GREM2: variants seen among roughly 807,000 people sequenced by gnomAD.
The protein encoded by GREM2 is gremlin-2.
A neutral mutation model predicts 14.2 loss-of-function variants in GREM2; 11 were observed. The ratio of observed to expected loss-of-function variants is 0.78; its 90% CI spans 0.49 to 1.28. The LOEUF (loss-of-function observed/expected upper bound fraction) is 1.28, where lower values mean the gene tolerates loss of function less well. Among genes scored for constraint, GREM2 ranks in the 50% most tolerant of loss-of-function variants. GREM2 has a pLI of 0.00. For missense variants in GREM2, 210 were observed against 218.5 expected (o/e 0.96, Z 0.24); for synonymous variants, 98 against 97.6 (o/e 1.00, Z -0.02).
At chr1:240,503,421 C>T (rs1439548879) in intron 1 of GREM2, among the ~76,000 whole-genome samples, 1 of 152,164 alleles carries the variant, frequency 6.6e-6, no homozygotes, top group East Asian at 1.9e-4. Flanking sequence ...CTCTCAGATC[C>T]ATCTTCTCAG....
chr1:240,526,579 C>T (rs1678226815), intron 1 of GREM2, among the ~76,000 whole-genome samples: 1 of 152,170 alleles, frequency 6.6e-6, no homozygotes, highest in Non-Finnish European at 1.5e-5. Flanking sequence ...ACTTGCCTCT[C>T]TCCCAAGAAG....
chr1:240,517,801 T>A (rs1385451209), intron 1 of GREM2, among the ~76,000 whole-genome samples: 2 of 152,190 alleles, frequency 1.3e-5, no homozygotes, highest in Non-Finnish European at 2.9e-5. Flanking sequence ...TCCAGAACTC[T>A]CCTGGTCATC....
At chr1:240,602,827 A>T (rs533042547) in intron 1 of GREM2, among the ~76,000 whole-genome samples, 1 of 151,318 alleles carries the variant, frequency 6.6e-6, no homozygotes, top group East Asian at 1.9e-4. Flanking sequence ...AAAATCCAGC[A>T]CTTTGGGAGG....
chr1:240,521,281 C>T (rs1344933244), intron 1 of GREM2, among the ~76,000 whole-genome samples: 2 of 152,126 alleles, frequency 1.3e-5, no homozygotes, highest in Admixed American at 6.5e-5. Flanking sequence ...AAAAATGAAA[C>T]GGGAGGGGTG....
At chr1:240,581,617 AT>A (rs1679486774) in intron 1 of GREM2, among the ~76,000 whole-genome samples, 1 of 152,168 alleles carries the variant, frequency 6.6e-6, no homozygotes, top group South Asian at 2.1e-4. Flanking sequence ...AAAAGTAATT[AT>A]TTTTCTGAAT....
At chr1:240,550,841 C>A (rs954646768) in intron 1 of GREM2, among the ~76,000 whole-genome samples, 6 of 152,136 alleles carry the variant, frequency 3.9e-5, no homozygotes, top group Non-Finnish European at 5.9e-5. Flanking sequence ...GCTGACATAT[C>A]CAATCAAATG....
intron 1 of GREM2, among the ~76,000 whole-genome samples, chr1:240,515,693 T>G (rs2103296646): frequency 6.6e-6 from 1 of 152,200 alleles, no homozygotes; most frequent in East Asian, 1.9e-4. Flanking sequence ...GGACTAACAA[T>G]TTGGTTTCGT....
intron 1 of GREM2, among the ~76,000 whole-genome samples, chr1:240,566,160 A>C (rs908336533): frequency 1.3e-5 from 2 of 152,194 alleles, no homozygotes; most frequent in Non-Finnish European, 2.9e-5. Context: ...AAAGTTTTTC[A>C]AAAGAAAATG....
At chr1:240,605,549 TA>T (rs1558181371) in intron 1 of GREM2, among the ~76,000 whole-genome samples, 1 of 152,080 alleles carries the variant, frequency 6.6e-6, no homozygotes, top group East Asian at 1.9e-4. Flanking sequence ...AGAGATTTTT[TA>T]AAAATCTAAC....
chr1:240,496,953 A>G (rs1337755327), intron 1 of GREM2, among the ~76,000 whole-genome samples: 2 of 152,070 alleles, frequency 1.3e-5, no homozygotes, highest in African/African-American at 4.8e-5. Flanking sequence ...CCCGGGAGGC[A>G]GAGGTTGCAG....
intron 1 of GREM2, among the ~76,000 whole-genome samples, chr1:240,515,265 C>T (rs963491676): frequency 2.6e-5 from 4 of 152,172 alleles, no homozygotes; most frequent in African/African-American, 9.7e-5. Flanking sequence ...TCCTGTAAAT[C>T]CTCAATACAT....
At chr1:240,611,199 A>G (rs1680126707) in intron 1 of GREM2, among the ~76,000 whole-genome samples, 1 of 152,200 alleles carries the variant, frequency 6.6e-6, no homozygotes, top group African/African-American at 2.4e-5. Context: ...TTAATGTAGT[A>G]ATATGTGAGA....
intron 1 of GREM2, among the ~76,000 whole-genome samples, chr1:240,526,454 G>T (rs1480018872): frequency 6.6e-6 from 1 of 152,104 alleles, no homozygotes; most frequent in African/African-American, 2.4e-5. Flanking sequence ...CACTAATCCG[G>T]CAAGCATTTA....
At chr1:240,520,552 C>A (rs1558147160) in intron 1 of GREM2, among the ~76,000 whole-genome samples, 1 of 151,042 alleles carries the variant, frequency 6.6e-6, no homozygotes, top group East Asian at 1.9e-4. Flanking sequence ...GAAACTTTTT[C>A]TTTTTTTTTG....
intron 1 of GREM2, among the ~76,000 whole-genome samples, chr1:240,592,056 A>C (rs2102864825): frequency 6.6e-6 from 1 of 152,330 alleles, no homozygotes; most frequent in African/African-American, 2.4e-5. Flanking sequence ...AAGAATTCTA[A>C]AGGCTGTGGC....
At chr1:240,525,733 C>A (rs1320451041) in intron 1 of GREM2, among the ~76,000 whole-genome samples, 1 of 152,148 alleles carries the variant, frequency 6.6e-6, no homozygotes, top group Non-Finnish European at 1.5e-5. Context: ...CCCTCCTCGG[C>A]CTCCCAAAAT....
intron 1 of GREM2, among the ~76,000 whole-genome samples, chr1:240,575,525 TTTTA>T (rs1445215008): frequency 1.5e-5 from 2 of 132,036 alleles, no homozygotes; most frequent in African/African-American, 6.6e-5. Context: ...TTAATTTTAA[TTTTA>T]TTTTTTTTTC....
At chr1:240,595,825 T>C (rs558619179) in intron 1 of GREM2, among the ~76,000 whole-genome samples, 6 of 152,130 alleles carry the variant, frequency 3.9e-5, no homozygotes, top group Admixed American at 2.0e-4. Flanking sequence ...CACCTAATAA[T>C]GTGTCCAGGT....
chr1:240,525,430 A>G (rs1456613419), intron 1 of GREM2, among the ~76,000 whole-genome samples: 1 of 151,840 alleles, frequency 6.6e-6, no homozygotes, highest in Non-Finnish European at 1.5e-5. Context: ...ATCCTCCTGG[A>G]TTTGTTTTCT....
Sources: allele counts gnomAD v4.1 joint callset (sites outside exome capture counted in the v4.1 genomes callset), GRCh38; gene constraint gnomAD v4.1.1; transcripts MANE v1.5; gene names NCBI Gene and HGNC (gene_info 2026-07-23, HGNC 2026-07-21).